COL23A1: variants seen among roughly 807,000 people sequenced by gnomAD.
COL23A1 encodes the protein collagen alpha-1(XXIII) chain.
In COL23A1, 97 loss-of-function variants were observed where a neutral mutation model predicts 99.3. The ratio of observed to expected loss-of-function variants is 0.98; its 90% CI spans 0.83 to 1.16. The LOEUF (loss-of-function observed/expected upper bound fraction) is 1.16, where lower values mean the gene tolerates loss of function less well. Among genes scored for constraint, COL23A1 ranks in the 50% most tolerant of loss-of-function variants. The pLI, the probability that COL23A1 is intolerant of heterozygous loss-of-function variation, is 0.00. For synonymous variants in COL23A1, 320 were observed against 308.2 expected (o/e 1.04, Z -0.40); for missense variants, 762 against 757.4 (o/e 1.01, Z -0.07).
intron 2 of COL23A1, among the ~76,000 whole-genome samples, chr5:178,389,843 G>A (rs553693295): frequency 6.6e-6 from 1 of 152,314 alleles, no homozygotes; most frequent in Non-Finnish European, 1.5e-5. Flanking sequence ...GGCACATGCA[G>A]GCAGTGTGTG....
intron 17 of COL23A1, among the ~76,000 whole-genome samples, chr5:178,251,825 T>C (rs1005302403): frequency 6.6e-6 from 1 of 152,184 alleles, no homozygotes; most frequent in African/African-American, 2.4e-5. Context: ...GTGTACCCAA[T>C]GTTTAGCTTC....
chr5:178,449,941 AC>A (rs1767392781), intron 2 of COL23A1, among the ~76,000 whole-genome samples: 1 of 152,084 alleles, frequency 6.6e-6, no homozygotes, highest in Non-Finnish European at 1.5e-5. Context: ...CAGAAGAACA[AC>A]ACCTGACCTC....
chr5:178,473,399 AC>A (rs1756863471), intron 2 of COL23A1, among the ~76,000 whole-genome samples: 1 of 146,080 alleles, frequency 6.8e-6, no homozygotes, highest in African/African-American at 2.5e-5. Context: ...GGCCCAAATG[AC>A]CCTCCTACCT....
intron 2 of COL23A1, among the ~76,000 whole-genome samples, chr5:178,368,535 C>T (rs753120341): frequency 2.0e-5 from 3 of 152,326 alleles, no homozygotes; most frequent in Middle Eastern, 3.4e-3. Flanking sequence ...ACGTAGCCAC[C>T]GCTATAGTAT....
intron 2 of COL23A1, among the ~76,000 whole-genome samples, chr5:178,411,569 A>G (rs1266954939): frequency 6.6e-6 from 1 of 152,248 alleles, no homozygotes; most frequent in Non-Finnish European, 1.5e-5. Context: ...CATGAAATAT[A>G]CAGAATATAT....
In COL23A1 at chr5:178,474,011, C is replaced by T. The variant is rs201415254; in HGVS notation, c.361+86671G>A. Among the ~76,000 whole-genome samples the T allele has an allele frequency of 1.2e-4, 19 of 152,296 alleles. No individual in the cohort carries two copies. In the East Asian group the frequency reaches 2.3e-3, roughly 19 times the overall value. ...TGTAGACACACTTTACCCACCTCAC[C>T]CCCGGCCACAGGAAAGCTGACGTCA... On this transcript the variant is annotated intron_variant, in intron 2 of 28. Coordinates refer to ENST00000390654, the MANE Select transcript of COL23A1 (RefSeq NM_173465.4).
rs1044117318 is a variant in COL23A1 at position 178,291,559 on chromosome 5, C to T, written c.407-1190G>A. On this transcript the variant is annotated intron_variant, in intron 3 of 28. Coordinates refer to ENST00000390654, the MANE Select transcript of COL23A1 (RefSeq NM_173465.4). Reference sequence around the variant, plus strand: ...GGAGAAGTGAAGGCTGCTGCAGCAGCGGGAGGGCCGGAGAAGGCAGGGCCA... The same window carrying T: ...GGAGAAGTGAAGGCTGCTGCAGCAGTGGGAGGGCCGGAGAAGGCAGGGCCA... Among the ~76,000 whole-genome samples, 3 of 152,204 alleles carry T rather than the reference C, an allele frequency of 2.0e-5. 1 individual carries two copies. Among genetic ancestry groups the T allele is most frequent in the South Asian group, 4.2e-4 (2 of 4,810 alleles).
intron 2 of COL23A1, among the ~76,000 whole-genome samples, chr5:178,495,580 A>G (rs1758154778): frequency 6.6e-6 from 1 of 152,144 alleles, no homozygotes; most frequent in Non-Finnish European, 1.5e-5. Context: ...CAATGCATGG[A>G]AAACAGACTG....
rs115237442 is a variant in COL23A1 at position 178,346,814 on chromosome 5, C to T, written c.362-39895G>A. On this transcript the variant is annotated intron_variant, in intron 2 of 28. Coordinates refer to ENST00000390654, the MANE Select transcript of COL23A1 (RefSeq NM_173465.4). Reference sequence around the variant, plus strand: ...CATGATTAATCAGAGTCATATGCAGCGGCCCGTCGGAGCCTCTGAAGGCTG... The same window carrying T: ...CATGATTAATCAGAGTCATATGCAGTGGCCCGTCGGAGCCTCTGAAGGCTG... 1.6e-3 allele frequency among the ~76,000 whole-genome samples: 247 copies of T among 152,310 alleles called. 1 individual carries two copies. The highest frequency in any genetic ancestry group is 5.6e-3 in the African/African-American group (233 of 41,568).
chr5:178,451,929 A>G (rs1767512441), intron 2 of COL23A1, among the ~76,000 whole-genome samples: 1 of 152,184 alleles, frequency 6.6e-6, no homozygotes. Flanking sequence ...CATCATAGAA[A>G]TAATAATTCT....
At chr5:178,290,459 C>T in intron 3 of COL23A1, 90 bp from the exon 4 acceptor site, 6 of 1,554,004 alleles carry the variant, frequency 3.9e-6, no homozygotes, top group Non-Finnish European at 5.3e-6. Flanking sequence ...CTGTCCTCAG[C>T]ACGGCTCCTG....
intron 1 of COL23A1, among the ~76,000 whole-genome samples, chr5:178,585,465 T>TGGGGGTAACACTCCACAGCCCTGGTTGAC (rs1763902362): frequency 1.0e-4 from 9 of 87,592 alleles, no homozygotes; most frequent in African/African-American, 3.8e-4. Flanking sequence ...CCCTGGTTGA[T>TGGGGGTAACACTCCACAGCCCTGGTTGAC]GCTGGGGGTA....
At position 178,258,262 on chromosome 5, in the gene COL23A1, T is replaced by TATATATATATATATATATATATATAC; in HGVS notation, c.730-696_730-695insGTATATATATATATATATATATATAT. Among the ~76,000 whole-genome samples the TATATATATATATATATATATATATAC allele has an allele frequency of 2.5e-3, 255 of 103,996 alleles. 16 individuals carry two copies. The highest frequency in any genetic ancestry group is 5.4e-3 in the Middle Eastern group (1 of 186). The allele number at this position is 103,996 out of a possible 152,430, so 68.2% of individuals were successfully genotyped here. A position where few individuals can be genotyped will look rare whatever the true frequency, so the allele number is the denominator to read the frequency against. ...ATATATATATATATATATATATATA[T>TATATATATATATATATATATATATAC]ACACATGCAAATCAATTCTAGGCAC... On this transcript the variant is annotated intron_variant, in intron 12 of 28. Transcript: ENST00000390654.
At chr5:178,449,652 G>A (rs146992439) in intron 2 of COL23A1, among the ~76,000 whole-genome samples, 9 of 151,256 alleles carry the variant, frequency 6.0e-5, no homozygotes, top group Admixed American at 2.0e-4. Flanking sequence ...AACCTCCAAC[G>A]ATGCCGCACC....
At position 178,384,924 on chromosome 5, in the gene COL23A1, C is replaced by T. The variant is rs113207807; in HGVS notation, c.362-78005G>A. Among the ~76,000 whole-genome samples the T allele has an allele frequency of 4.6e-4, 69 of 150,474 alleles. 1 individual carries two copies. The highest frequency in any genetic ancestry group is 1.7e-3 in the African/African-American group (68 of 40,964). ...GAGGTCAAATGGGTGGCGAGGCTCC[C>T]GCTCCTTCCCTGTGCCCAGCCTCCC... On this transcript the variant is annotated intron_variant, in intron 2 of 28. Coordinates refer to ENST00000390654, the MANE Select transcript of COL23A1 (RefSeq NM_173465.4). This position sits in a 1 kb window ranked among gnomAD's most constrained non-coding sequence, Gnocchi z 5.5.
intron 2 of COL23A1, among the ~76,000 whole-genome samples, chr5:178,339,681 G>A (rs1760545331): frequency 6.6e-6 from 1 of 152,250 alleles, no homozygotes; most frequent in South Asian, 2.1e-4. Flanking sequence ...GGGGGGACGT[G>A]AATCTGCCAG....
At chr5:178,531,539 C>A (rs776829838) in intron 2 of COL23A1, among the ~76,000 whole-genome samples, 1 of 152,216 alleles carries the variant, frequency 6.6e-6, no homozygotes, top group African/African-American at 2.4e-5. Context: ...CAGCCCCGGA[C>A]TTTCCGCCTC....
intron 2 of COL23A1, among the ~76,000 whole-genome samples, chr5:178,420,461 C>T (rs1156410457): frequency 1.1e-5 from 1 of 91,020 alleles, no homozygotes; most frequent in Non-Finnish European, 2.2e-5. Context: ...CTCCCCACCT[C>T]TATCCTCCTC....
chr5:178,455,647 G>A (rs1055867962), intron 2 of COL23A1, among the ~76,000 whole-genome samples: 1 of 152,076 alleles, frequency 6.6e-6, no homozygotes, highest in African/African-American at 2.4e-5. Flanking sequence ...TGGCATCTCC[G>A]CCATCGCTTC....
Sources: gnomAD v4.1 joint callset for allele counts (sites outside exome capture counted in the v4.1 genomes callset) on GRCh38, gnomAD v4.1.1 for gene constraint, Gnocchi (gnomAD v3.1) non-coding constraint, MANE v1.5 for transcripts, NCBI Gene and HGNC (gene_info 2026-07-23, HGNC 2026-07-21) for gene names.